The following CAST variants were observed in gnomAD, a reference collection of about 807,000 sequenced individuals.
CAST encodes MIR583 host.
CAST carries 76 observed loss-of-function variants against 119.6 expected under a neutral mutation model. The ratio of observed to expected loss-of-function variants is 0.64; its 90% CI spans 0.53 to 0.77. The LOEUF is 0.77. Ranked by LOEUF, CAST falls within the 30% of genes least tolerant of loss-of-function variation. The pLI is 0.00. For synonymous variants in CAST, 319 were observed against 331.6 expected, an observed-to-expected ratio of 0.96 and a Z score of 0.41; for missense variants, 953 against 946.5, an observed-to-expected ratio of 1.01 and a Z score of -0.09.
the CAST span, chr5:96,395,102 G>A: frequency 1.1e-5 from 12 of 1,126,802 alleles, no homozygotes; most frequent in African/African-American, 1.8e-4. Context: ...AGCTAAAAAG[G>A]ATTTCATTGT....
intron 1 of CAST, among the ~76,000 whole-genome samples, chr5:96,645,346 C>T (rs1413080363): frequency 6.6e-6 from 1 of 152,156 alleles, no homozygotes; most frequent in Non-Finnish European, 1.5e-5. Context: ...ACATTCATCA[C>T]GCGGTTAAGG....
At chr5:96,332,203 C>T in the CAST span, among the ~76,000 whole-genome samples, 2 of 152,262 alleles carry the variant, frequency 1.3e-5, no homozygotes, top group Admixed American at 6.5e-5. Context: ...GGGGTAGCCA[C>T]GGAGGGTAGG....
the CAST span, among the ~76,000 whole-genome samples, chr5:95,993,956 T>C: frequency 1.7e-4 from 26 of 152,048 alleles, no homozygotes; most frequent in Admixed American, 1.7e-3. Context: ...AATTAATTAC[T>C]TTAAATTAAA....
intron 1 of CAST, among the ~76,000 whole-genome samples, chr5:96,604,658 A>G (rs1480659386): frequency 6.6e-6 from 1 of 152,174 alleles, no homozygotes; most frequent in African/African-American, 2.4e-5. Context: ...ATTGTGTAAG[A>G]CTAAATTCTA....
the CAST span, among the ~76,000 whole-genome samples, chr5:95,993,364 T>A: frequency 6.6e-6 from 1 of 152,196 alleles, no homozygotes. Flanking sequence ...ATATTTGTAG[T>A]GTTGGGTTAA....
chr5:96,425,956 A>G, the CAST span: 8 of 1,364,912 alleles, frequency 5.9e-6, no homozygotes, highest in African/African-American at 1.0e-4. Context: ...TAGCAAGAAA[A>G]TCAAAAGTCA....
intron 16 of CAST, 40 bp downstream of exon 16, chr5:96,742,796 G>A (rs755436183): frequency 7.1e-7 from 1 of 1,413,854 alleles, no homozygotes; most frequent in South Asian, 1.2e-5. Flanking sequence ...TTGTTAGTCT[G>A]CACATTACAA....
chr5:96,280,013 G>A, the CAST span, among the ~76,000 whole-genome samples: 1 of 152,188 alleles, frequency 6.6e-6, no homozygotes, highest in Admixed American at 6.5e-5. Flanking sequence ...GTAGAGGCAT[G>A]TTTATTTGTT....
chr5:96,092,108 C>T, the CAST span, among the ~76,000 whole-genome samples: 12 of 152,220 alleles, frequency 7.9e-5, no homozygotes, highest in African/African-American at 2.9e-4. Flanking sequence ...TTACCATTCT[C>T]ATTTGACTGA....
intron 1 of CAST, among the ~76,000 whole-genome samples, chr5:96,640,010 GA>G (rs1003411847): frequency 9.2e-5 from 14 of 151,670 alleles, no homozygotes; most frequent in Admixed American, 8.5e-4. Flanking sequence ...GAGTAAACCA[GA>G]AAAAAAAGAA....
At chr5:96,201,947 G>A in the CAST span, among the ~76,000 whole-genome samples, 87 of 148,338 alleles carry the variant, frequency 5.9e-4, no homozygotes, top group Admixed American at 1.8e-3. Flanking sequence ...AAAATAAGAT[G>A]AAATAAAAAT....
the CAST span, among the ~76,000 whole-genome samples, chr5:96,434,699 G>A: frequency 3.5e-4 from 53 of 152,146 alleles, no homozygotes; most frequent in Middle Eastern, 6.8e-3. Context: ...AGGGGAGAAG[G>A]TTGGAAAGAA....
the CAST span, among the ~76,000 whole-genome samples, chr5:96,160,052 A>G: frequency 1.3e-5 from 2 of 152,018 alleles, no homozygotes; most frequent in African/African-American, 4.8e-5. Context: ...AGGCATGAGA[A>G]TCACTTGAAC....
At chr5:96,243,024 C>G in the CAST span, among the ~76,000 whole-genome samples, 73 of 152,196 alleles carry the variant, frequency 4.8e-4, no homozygotes, top group Middle Eastern at 3.4e-3. Context: ...TAAATACGTT[C>G]AAAATTTATT....
chr5:96,287,420 A>G, the CAST span, among the ~76,000 whole-genome samples: 2 of 152,090 alleles, frequency 1.3e-5, no homozygotes, highest in East Asian at 1.9e-4. Context: ...TTTCTATTCC[A>G]TGTTATAAAG....
the CAST span, among the ~76,000 whole-genome samples, chr5:96,141,022 G>A: frequency 6.6e-6 from 1 of 152,188 alleles, no homozygotes; most frequent in Non-Finnish European, 1.5e-5. Flanking sequence ...GTTAACTCGA[G>A]AAAATTATGC....
At chr5:96,423,166 TG>T in the CAST span, 1 of 741,734 alleles carries the variant, frequency 1.3e-6, no homozygotes, top group Non-Finnish European at 2.4e-6. Context: ...TATAAGCTAG[TG>T]GGAAGTGGGA....
At chr5:96,329,404 C>T in the CAST span, among the ~76,000 whole-genome samples, 23 of 152,298 alleles carry the variant, frequency 1.5e-4, no homozygotes, top group Non-Finnish European at 2.2e-4. Flanking sequence ...CTGGCTCCCT[C>T]AGGAAAAAGC....
At position 96,740,750 on chromosome 5, in the gene CAST, G is replaced by C. The variant is rs1762493603; in HGVS notation, c.885G>C (p.Lys295Asn). Residue 295 changes from lysine (K) to asparagine (N), a missense_variant, in exon 13 of 32, where the codon AAG (lysine) becomes AAC (asparagine). Physicochemically the swap from Lys to Asn is moderately conservative, Grantham distance 94. Transcript: ENST00000675179. ...PPKYRELLAK[K>N]EGITGPPADS... ...CAAATTAATATTTGTTTCAGAAAAA[G>C]GAAGGGATCACAGGGCCTCCTGCAG... The C allele has an allele frequency of 6.3e-7, 1 of 1,598,744 alleles. No homozygotes were observed.
Sources: gnomAD v4.1 joint callset for allele counts (sites outside exome capture counted in the v4.1 genomes callset) on GRCh38, gnomAD v4.1.1 for gene constraint, MANE v1.5 for transcripts, NCBI Gene and HGNC (gene_info 2026-07-23, HGNC 2026-07-21) for gene names.